Variants in ANKRD42 observed in about 807,000 individuals in gnomAD.
ANKRD42 encodes ankyrin repeat domain 42.
In ANKRD42, 43 loss-of-function variants were observed where a neutral mutation model predicts 51.5. The observed-to-expected ratio is 0.83, with a 90% CI of 0.65 to 1.08. The LOEUF (loss-of-function observed/expected upper bound fraction) is 1.08, where lower values mean the gene tolerates loss of function less well. Ranked by LOEUF, ANKRD42 falls within the 50% of genes least tolerant of loss-of-function variation. The pLI is 0.00. For synonymous variants in ANKRD42, 203 were observed against 213.0 expected, an observed-to-expected ratio of 0.95 and a Z score of 0.41; for missense variants, 608 against 629.3, an observed-to-expected ratio of 0.97 and a Z score of 0.36.
intron 7 of ANKRD42, among the ~76,000 whole-genome samples, chr11:83,232,549 T>G (rs1249425661): frequency 2.0e-5 from 3 of 152,222 alleles, no homozygotes; most frequent in Non-Finnish European, 4.4e-5. Context: ...ACTAGGATAA[T>G]TTGACTTCTT....
At chr11:83,235,265 G>T (rs891074202) in intron 7 of ANKRD42, among the ~76,000 whole-genome samples, 1 of 152,188 alleles carries the variant, frequency 6.6e-6, no homozygotes, top group Non-Finnish European at 1.5e-5. Context: ...GATGGAAGAA[G>T]TTGCTAAGGA....
intron 9 of ANKRD42, among the ~76,000 whole-genome samples, chr11:83,243,743 G>A (rs1026023516): frequency 2.7e-5 from 4 of 149,620 alleles, no homozygotes; most frequent in African/African-American, 9.9e-5. Context: ...CTCACTGCAA[G>A]CTCCGCCTCC....
intron 7 of ANKRD42, among the ~76,000 whole-genome samples, chr11:83,232,111 T>C (rs1481076000): frequency 6.6e-6 from 1 of 151,556 alleles, no homozygotes; most frequent in African/African-American, 2.4e-5. Context: ...CTTTTTTTTT[T>C]TTTTTTTCTA....
At chr11:83,232,371 A>G (rs1590998304) in intron 7 of ANKRD42, among the ~76,000 whole-genome samples, 1 of 151,854 alleles carries the variant, frequency 6.6e-6, no homozygotes, top group Admixed American at 6.6e-5. Context: ...TGGGATTACT[A>G]TTTTGATTTC....
chr11:83,209,821 C>T (rs1329706119), intron 3 of ANKRD42: 7 of 540,228 alleles, frequency 1.3e-5, no homozygotes, highest in African/African-American at 3.8e-5. Flanking sequence ...CCACCATAGC[C>T]CAGCCAGATG....
chr11:83,228,347 G>C (rs1244291319), intron 7 of ANKRD42, among the ~76,000 whole-genome samples: 3 of 137,076 alleles, frequency 2.2e-5, no homozygotes, highest in African/African-American at 8.2e-5. Context: ...CCCAAGCTCA[G>C]CCTCCCTAGT....
In ANKRD42 at chr11:83,206,062, T is replaced by G. The variant is rs201832541; in HGVS notation, c.227T>G (p.Leu76Arg). The G allele has an allele frequency of 3.3e-5, 54 of 1,612,754 alleles. No homozygotes were observed. The East Asian group carries it at 6.9e-4, about 21-fold the overall frequency. Reference protein sequence around the residue: ...WAAHSGSLECLHWLLWHGADI... With the variant: ...WAAHSGSLECRHWLLWHGADI... ...TTAACATGGTTATTTTCTTAGTGTC[T>G]TCATTGGCTGCTCTGGCATGGAGCT... The change falls in exon 3 of 11, where the codon CTT becomes CGT. Residue 76 changes from leucine to arginine, a missense_variant. Leu to Arg is a moderately radical substitution (Grantham distance 102). Transcript: ENST00000533342.
chr11:83,202,607 T>A (rs538765747), intron 2 of ANKRD42, among the ~76,000 whole-genome samples: 16 of 152,380 alleles, frequency 1.1e-4, no homozygotes, highest in African/African-American at 3.8e-4. Context: ...TTCATCTGCC[T>A]GTCTCATCTC....
rs539259244 is a variant in ANKRD42, at chr11:83,242,567, G to GT, written c.1195+1651dup. Reference sequence around the variant, plus strand: ...GGGGAATTCGGTGAATGGTAGTTAAGTTTTTTTTTTTTTTTTTTAGATGGA... The same window carrying GT: ...GGGGAATTCGGTGAATGGTAGTTAAGTTTTTTTTTTTTTTTTTTTAGATGGA... On this transcript the variant is annotated intron_variant, in intron 9 of 10. Coordinates refer to ENST00000533342, the MANE Select transcript of ANKRD42 (RefSeq NM_001300975.2). Among the ~76,000 whole-genome samples, 188 of 115,534 alleles carry GT rather than the reference G, an allele frequency of 1.6e-3. 1 individual carries two copies. Among genetic ancestry groups the GT allele is most frequent in the Admixed American group, 2.6e-3 (31 of 11,772 alleles). 75.8% of individuals were successfully genotyped at this position (115,534 alleles called of 152,430 possible). A position where few individuals can be genotyped will look rare whatever the true frequency, so the allele number is the denominator to read the frequency against.
intron 10 of ANKRD42, 140 bp from the exon 11 acceptor site, chr11:83,247,803 G>A: frequency 1.2e-6 from 1 of 801,950 alleles, no homozygotes; most frequent in Non-Finnish European, 1.9e-6. Flanking sequence ...ATTCTTAGTA[G>A]ACCCTTAATA....
At chr11:83,212,770 A>T in intron 5 of ANKRD42, 2 of 1,518,030 alleles carry the variant, frequency 1.3e-6, no homozygotes, top group Admixed American at 4.3e-5. Context: ...ACTACTGTCC[A>T]GGATCATTTT....
At chr11:83,242,567 GTTTTT>G (rs539259244) in intron 9 of ANKRD42, among the ~76,000 whole-genome samples, 7 of 115,546 alleles carry the variant, frequency 6.1e-5, no homozygotes, top group African/African-American at 1.7e-4. Flanking sequence ...TGGTAGTTAA[GTTTTT>G]TTTTTTTTTT....
downstream of ANKRD42, among the ~76,000 whole-genome samples, chr11:83,252,995 C>T (rs576441950): frequency 6.6e-6 from 1 of 152,274 alleles, no homozygotes; most frequent in Admixed American, 6.5e-5. Context: ...TGATCTACAG[C>T]TTTGGGCCAT....
At chr11:83,218,856 A>G (rs960605144) in intron 5 of ANKRD42, among the ~76,000 whole-genome samples, 1 of 152,240 alleles carries the variant, frequency 6.6e-6, no homozygotes, top group African/African-American at 2.4e-5. Context: ...AAGCCTGTAC[A>G]TAAGGGACTT....
chr11:83,214,443 G>C (rs1274566481), intron 5 of ANKRD42: 1 of 981,828 alleles, frequency 1.0e-6, no homozygotes, highest in East Asian at 1.1e-4. Context: ...GTCTTGTCTG[G>C]TCATTAAAAA....
chr11:83,247,676 T>G (rs1005234215), intron 10 of ANKRD42, among the ~76,000 whole-genome samples: 24 of 152,300 alleles, frequency 1.6e-4, no homozygotes, highest in Admixed American at 1.0e-3. Flanking sequence ...ATACCATATA[T>G]TTTACTTATT....
chr11:83,208,391 G>A (rs1205121437), intron 3 of ANKRD42, among the ~76,000 whole-genome samples: 4 of 151,942 alleles, frequency 2.6e-5, no homozygotes, highest in South Asian at 2.1e-4. Context: ...GTGTGAATAT[G>A]TTTGTATATA....
rs770772334 is a variant in ANKRD42 at position 83,242,567 on chromosome 11, G to GTTTTTTTTTTGTTTGTTTTTTTTTTTT, written c.1195+1643_1195+1644insGTTTGTTTTTTTTTTTTTTTTTTTTTT. Among the ~76,000 whole-genome samples the GTTTTTTTTTTGTTTGTTTTTTTTTTTT allele has an allele frequency of 1.6e-3, 187 of 115,528 alleles. 15 individuals are homozygous for GTTTTTTTTTTGTTTGTTTTTTTTTTTT. The highest frequency in any genetic ancestry group is 3.0e-3 in the African/African-American group (88 of 28,922). The allele number at this position is 115,528 out of a possible 152,430, so 75.8% of individuals were successfully genotyped here. On this transcript the variant is annotated intron_variant, in intron 9 of 10. Transcript: ENST00000533342. ...GGGGAATTCGGTGAATGGTAGTTAAGTTTTTTTTTTTTTTTTTTAGATGGA... is the reference window on the plus strand; with the variant it reads ...GGGGAATTCGGTGAATGGTAGTTAAGTTTTTTTTTTGTTTGTTTTTTTTTTTTTTTTTTTTTTTTTTTTTTAGATGGA...
intron 7 of ANKRD42, among the ~76,000 whole-genome samples, chr11:83,228,308 G>A (rs939326009): frequency 6.1e-5 from 8 of 131,166 alleles, no homozygotes; most frequent in Non-Finnish European, 9.3e-5. Context: ...TGGAGTGCAG[G>A]TGGAGACCTC....
Sources: allele counts gnomAD v4.1 joint callset (sites outside exome capture counted in the v4.1 genomes callset), GRCh38; gene constraint gnomAD v4.1.1; transcripts MANE v1.5; gene names NCBI Gene and HGNC (gene_info 2026-07-23, HGNC 2026-07-21).